The following SNX24 variants were observed in gnomAD, a reference collection of about 807,000 sequenced individuals.
The protein encoded by SNX24 is sorting nexin-24.
In SNX24, 22 loss-of-function variants were observed where a neutral mutation model predicts 28.7. The ratio of observed to expected loss-of-function variants is 0.77; its 90% CI spans 0.55 to 1.10. The LOEUF (loss-of-function observed/expected upper bound fraction) is 1.10. Ranked by LOEUF, SNX24 falls within the 50% of genes least tolerant of loss-of-function variation. The pLI is 0.00. For synonymous variants in SNX24, 69 were observed against 71.5 expected (o/e 0.96, Z 0.18); for missense variants, 221 against 201.1 (o/e 1.10, Z -0.60).
chr5:122,995,387 T>C (rs758691352), intron 3 of SNX24, among the ~76,000 whole-genome samples: 3 of 152,204 alleles, frequency 2.0e-5, no homozygotes, highest in Non-Finnish European at 4.4e-5. Flanking sequence ...TGACTTGTTT[T>C]TATGGAAACT....
At chr5:122,928,986 G>A (rs1319450839) in intron 1 of SNX24, among the ~76,000 whole-genome samples, 1 of 151,856 alleles carries the variant, frequency 6.6e-6, no homozygotes, top group Non-Finnish European at 1.5e-5. Context: ...ACTAATATCT[G>A]TTAATTTGTG....
At position 123,016,189 on chromosome 5, in the gene SNX24, G is replaced by A. The variant is rs149928792; in HGVS notation, n.384-13049G>A. On this transcript the variant is annotated intron_variant and non_coding_transcript_variant, in intron 5 of 5. Transcript: ENST00000502387. The stretch of plus-strand genomic sequence containing the variant: ...GAACAATTGTAATTATAAAGTATGT[G>A]TTAAGTGTTGATGAAGGAAAATAAG... Among the ~76,000 whole-genome samples, 19 of 152,276 alleles carry A rather than the reference G, an allele frequency of 1.2e-4. No homozygotes were observed. In the East Asian group the frequency reaches 3.7e-3, roughly 29 times the overall value.
At chr5:122,902,667 C>T (rs1013410919) in intron 1 of SNX24, among the ~76,000 whole-genome samples, 2 of 152,146 alleles carry the variant, frequency 1.3e-5, no homozygotes, top group East Asian at 3.9e-4. Flanking sequence ...TACTGGATTC[C>T]CTAGCCCAGT....
chr5:122,915,623 C>G (rs192888719), intron 1 of SNX24, among the ~76,000 whole-genome samples: 45 of 152,132 alleles, frequency 3.0e-4, no homozygotes, highest in Middle Eastern at 3.4e-3. Flanking sequence ...AAGACCCTGT[C>G]TGTTTAAAAA....
chr5:123,014,495 A>G (rs551243239), intron 5 of SNX24, among the ~76,000 whole-genome samples: 76 of 152,008 alleles, frequency 5.0e-4, no homozygotes, highest in African/African-American at 1.4e-3. Flanking sequence ...ACCAGACATG[A>G]ACGCTTAAAT....
chr5:122,927,473 CAATT>C (rs1434449213), intron 1 of SNX24, among the ~76,000 whole-genome samples: 2 of 152,134 alleles, frequency 1.3e-5, no homozygotes, highest in South Asian at 2.1e-4. Flanking sequence ...TTTGGGGACA[CAATT>C]CATTTATTAA....
chr5:122,879,431 C>G (rs911457210), intron 1 of SNX24, among the ~76,000 whole-genome samples: 1 of 152,208 alleles, frequency 6.6e-6, no homozygotes, highest in African/African-American at 2.4e-5. Context: ...AACATGAGTT[C>G]TCTCCAGGCT....
intron 3 of SNX24, among the ~76,000 whole-genome samples, chr5:122,979,362 A>G (rs1422330905): frequency 1.3e-5 from 2 of 152,210 alleles, no homozygotes; most frequent in African/African-American, 2.4e-5. Flanking sequence ...TTCAGCTGCT[A>G]TTGATTTGCT....
Position 123,001,363 on chromosome 5 carries a change from A to C in SNX24, c.345-42A>C, listed in dbSNP as rs575335963. 2.6e-5 allele frequency: 36 copies of C among 1,361,440 alleles called. No individual in the cohort carries two copies. The East Asian group carries it at 7.3e-4, about 28-fold the overall frequency. The allele number at this position is 1,361,440 out of a possible 1,614,324, so 84.3% of individuals were successfully genotyped here. A position where few individuals can be genotyped will look rare whatever the true frequency, so the allele number is the denominator to read the frequency against. On this transcript the variant is annotated intron_variant, in intron 4 of 6. Coordinates refer to ENST00000261369, the MANE Select transcript of SNX24 (RefSeq NM_014035.4). ...TTGTTGGCATAAACATTGACTCAAC[A>C]TATGTGGTTTTTTTGTTTTTTTCCT...
At chr5:122,975,901 C>A (rs529686866) in intron 3 of SNX24, among the ~76,000 whole-genome samples, 1 of 152,276 alleles carries the variant, frequency 6.6e-6, no homozygotes, top group South Asian at 2.1e-4. Flanking sequence ...ATTGTAGCAA[C>A]CTTTTGAGAA....
At chr5:122,877,577 CA>C (rs1756286057) in intron 1 of SNX24, among the ~76,000 whole-genome samples, 1 of 152,166 alleles carries the variant, frequency 6.6e-6, no homozygotes, top group African/African-American at 2.4e-5. Context: ...TCCTCTCTCT[CA>C]TCTCTGCCTC....
chr5:122,867,497 A>C (rs896726149), intron 1 of SNX24, among the ~76,000 whole-genome samples: 1 of 152,174 alleles, frequency 6.6e-6, no homozygotes, highest in South Asian at 2.1e-4. Flanking sequence ...TTGGGGCCTC[A>C]GTGTTGATCT....
chr5:123,023,732 A>G (rs952975270), intron 5 of SNX24: 4 of 1,269,088 alleles, frequency 3.2e-6, no homozygotes, highest in African/African-American at 1.5e-5. Context: ...TTTGATTTTT[A>G]TAACTTTCCT....
chr5:122,931,855 C>CT (rs1758973368), intron 1 of SNX24, among the ~76,000 whole-genome samples: 1 of 148,362 alleles, frequency 6.7e-6, no homozygotes, highest in African/African-American at 2.5e-5. Context: ...TTTTTTTTTG[C>CT]TTTAGAAGTG....
intron 1 of SNX24, among the ~76,000 whole-genome samples, chr5:122,900,884 G>A (rs1757414220): frequency 6.6e-6 from 1 of 152,082 alleles, no homozygotes; most frequent in African/African-American, 2.4e-5. Context: ...TTTTCAGAGG[G>A]AAAAATGATT....
intron 3 of SNX24, among the ~76,000 whole-genome samples, chr5:122,956,071 C>CT (rs1581794535): frequency 6.6e-6 from 1 of 151,172 alleles, no homozygotes; most frequent in African/African-American, 2.4e-5. Context: ...TTTTTTTTCT[C>CT]TATCTCTGGG....
At chr5:123,021,514 A>G (rs964266475) in intron 5 of SNX24, among the ~76,000 whole-genome samples, 2 of 152,182 alleles carry the variant, frequency 1.3e-5, no homozygotes, top group African/African-American at 4.8e-5. Context: ...CTCCCTTACA[A>G]TTTTGGATCA....
chr5:122,982,587 C>T (rs1476247528), intron 3 of SNX24, among the ~76,000 whole-genome samples: 1 of 152,128 alleles, frequency 6.6e-6, no homozygotes, highest in Non-Finnish European at 1.5e-5. Flanking sequence ...TGGCAGCTGC[C>T]CAGCACAGAA....
At chr5:122,937,639 T>A (rs1759235210) in intron 2 of SNX24, among the ~76,000 whole-genome samples, 1 of 152,160 alleles carries the variant, frequency 6.6e-6, no homozygotes, top group Non-Finnish European at 1.5e-5. Flanking sequence ...AGTGAGACTG[T>A]TTCCTTCTCT....
Sources: allele counts gnomAD v4.1 joint callset (sites outside exome capture counted in the v4.1 genomes callset), GRCh38; gene constraint gnomAD v4.1.1; transcripts MANE v1.5; gene names NCBI Gene and HGNC (gene_info 2026-07-23, HGNC 2026-07-21).